Variants in KIAA1217 observed in about 807,000 individuals in gnomAD.
KIAA1217 encodes the protein KIAA1217.
Under a neutral mutation model 163.9 loss-of-function variants are expected in KIAA1217, and 88 were observed. The observed-to-expected ratio is 0.54, with a 90% CI of 0.45 to 0.64. The LOEUF is 0.64. Among genes scored for constraint, KIAA1217 ranks in the 30% least tolerant of loss-of-function variants. The pLI, the probability that KIAA1217 is intolerant of heterozygous loss-of-function variation, is 0.00. For missense variants in KIAA1217, 2,372 were observed against 2,475.0 expected (o/e 0.96, Z 0.88); for synonymous variants, 903 against 923.1 (o/e 0.98, Z 0.39).
chr10:24,046,475 C>T (rs916856224), intron 2 of KIAA1217, among the ~76,000 whole-genome samples: 6 of 152,178 alleles, frequency 3.9e-5, no homozygotes, highest in Admixed American at 6.5e-5. Context: ...TGACTCAGTT[C>T]TGCATGGCTG....
chr10:24,335,012 C>T (rs1444874030), intron 2 of KIAA1217, among the ~76,000 whole-genome samples: 2 of 152,068 alleles, frequency 1.3e-5, no homozygotes, highest in East Asian at 3.9e-4. Flanking sequence ...TTAATAGTTG[C>T]CAAAAAGTAG....
intron 1 of KIAA1217, among the ~76,000 whole-genome samples, chr10:23,745,154 T>C (rs1297742620): frequency 1.3e-5 from 2 of 152,178 alleles, no homozygotes; most frequent in Non-Finnish European, 2.9e-5. Context: ...CAATGTCTCT[T>C]GATTGTCTTT....
At position 24,444,134 on chromosome 10, in the gene KIAA1217, T is replaced by G. The variant is rs138855116; in HGVS notation, c.846+5655T>G. 4.9e-3 allele frequency among the ~76,000 whole-genome samples: 743 copies of G among 152,148 alleles called. 10 individuals carry two copies. Among genetic ancestry groups the G allele is most frequent in the African/African-American group, 0.017 (714 of 41,498 alleles). On this transcript the variant is annotated intron_variant, in intron 5 of 20. Coordinates refer to ENST00000376454, the MANE Select transcript of KIAA1217 (RefSeq NM_019590.5). ...CAAGCAATTCTCCTCCCTTAGCCTC[T>G]TGAGTAGCCGGGACTACAGGTGCAC...
At chr10:24,301,872 C>G (rs1240124900) in intron 2 of KIAA1217, among the ~76,000 whole-genome samples, 1 of 151,982 alleles carries the variant, frequency 6.6e-6, no homozygotes, top group Non-Finnish European at 1.5e-5. Context: ...TGGTGAAACC[C>G]TGTATCTACG....
intron 2 of KIAA1217, among the ~76,000 whole-genome samples, chr10:24,252,712 C>T (rs1366869354): frequency 1.3e-5 from 2 of 152,098 alleles, no homozygotes; most frequent in Admixed American, 6.6e-5. Flanking sequence ...ACAGGTATTG[C>T]CCTAGTCTCT....
intron 1 of KIAA1217, among the ~76,000 whole-genome samples, chr10:23,790,501 G>A (rs1216494325): frequency 7.0e-5 from 6 of 85,212 alleles, no homozygotes; most frequent in African/African-American, 1.7e-4. Context: ...ATATACATGT[G>A]CATATATACA....
intron 1 of KIAA1217, among the ~76,000 whole-genome samples, chr10:23,734,189 T>TA (rs1177424379): frequency 6.6e-6 from 1 of 152,132 alleles, no homozygotes; most frequent in Non-Finnish European, 1.5e-5. Context: ...TCTCTGCACT[T>TA]ATGTTTTCTT....
chr10:24,206,516 G>A (rs1029507391), upstream of KIAA1217, among the ~76,000 whole-genome samples: 3 of 152,140 alleles, frequency 2.0e-5, no homozygotes, highest in African/African-American at 7.2e-5. Flanking sequence ...TCTGTGCTTT[G>A]GAGAAAGATA....
intron 6 of KIAA1217, among the ~76,000 whole-genome samples, chr10:24,492,823 T>C (rs1441674897): frequency 2.8e-5 from 3 of 108,596 alleles, no homozygotes; most frequent in African/African-American, 1.1e-4. Context: ...TCAGTTGGCT[T>C]TTTCTAGTGG....
chr10:23,776,397 C>T (rs1232131626), intron 1 of KIAA1217, among the ~76,000 whole-genome samples: 1 of 150,962 alleles, frequency 6.6e-6, no homozygotes, highest in Non-Finnish European at 1.5e-5. Flanking sequence ...AATGATATCC[C>T]TATGCCTAAT....
chr10:24,143,387 C>A (rs993589540), intron 2 of KIAA1217, among the ~76,000 whole-genome samples: 1 of 152,168 alleles, frequency 6.6e-6, no homozygotes, highest in Non-Finnish European at 1.5e-5. Context: ...CTGCCTCAGC[C>A]TCCCGAGTAG....
In KIAA1217 at chr10:23,962,287, A is replaced by G. The variant is rs556217858; in HGVS notation, c.-320-44938A>G. On this transcript the variant is annotated intron_variant, in intron 1 of 18. Coordinates refer to the KIAA1217 transcript ENST00000376462. ...AACCTCACATAGCCTCAGTTTCCAC[A>G]TCTATAAAATAGGGGTATATGAAGT... Among the ~76,000 whole-genome samples the G allele has an allele frequency of 1.2e-3, 181 of 152,314 alleles. 1 individual carries two copies. Among genetic ancestry groups the G allele is most frequent in the African/African-American group, 4.0e-3 (168 of 41,572 alleles).
chr10:23,703,797 T>C (rs1411418241), intron 1 of KIAA1217, among the ~76,000 whole-genome samples: 1 of 152,056 alleles, frequency 6.6e-6, no homozygotes, highest in Non-Finnish European at 1.5e-5. Flanking sequence ...TCAGCAAACT[T>C]GTTGTATAAA....
intron 1 of KIAA1217, among the ~76,000 whole-genome samples, chr10:23,802,816 C>T (rs1373360954): frequency 1.3e-5 from 2 of 152,176 alleles, no homozygotes; most frequent in African/African-American, 2.4e-5. Context: ...GACTCTGTCC[C>T]TTAGAGTGTT....
chr10:24,104,879 C>T (rs148717972), intron 2 of KIAA1217, among the ~76,000 whole-genome samples: 385 of 152,270 alleles, frequency 2.5e-3, no homozygotes, highest in African/African-American at 8.9e-3. Flanking sequence ...TGAAGGATGT[C>T]TTCTAAAGTT....
chr10:23,964,951 C>T (rs953497396), intron 1 of KIAA1217, among the ~76,000 whole-genome samples: 2 of 152,158 alleles, frequency 1.3e-5, no homozygotes, highest in African/African-American at 4.8e-5. Context: ...CGAACTTTAT[C>T]TTGAAGCTGG....
At chr10:24,224,687 G>A (rs766280880) in intron 2 of KIAA1217, among the ~76,000 whole-genome samples, 2 of 151,990 alleles carry the variant, frequency 1.3e-5, no homozygotes, top group Non-Finnish European at 2.9e-5. Flanking sequence ...CTACATCATG[G>A]AGCACTGAGA....
intron 14 of KIAA1217, among the ~76,000 whole-genome samples, chr10:24,528,341 A>C (rs1346104511): frequency 9.5e-6 from 1 of 105,422 alleles, no homozygotes; most frequent in East Asian, 2.4e-4. Context: ...TTTGTTTTTG[A>C]AATGGGGTCT....
Position 24,403,007 on chromosome 10 carries a change from G to T in KIAA1217, c.553+21940G>T, listed in dbSNP as rs77765435. On this transcript the variant is annotated intron_variant, in intron 3 of 20. Transcript: ENST00000376454. ...TTAGCATATGGTACTGAAGAAATGG[G>T]ATCTCCCCTCAAAAACTTCAACCTG... Among the ~76,000 whole-genome samples, 3 of 152,166 alleles carry T rather than the reference G, an allele frequency of 2.0e-5. No individual in the cohort carries two copies. In the South Asian group the frequency reaches 6.2e-4, roughly 32 times the overall value.
Sources: gnomAD v4.1 joint callset for allele counts (sites outside exome capture counted in the v4.1 genomes callset) on GRCh38, gnomAD v4.1.1 for gene constraint, MANE v1.5 for transcripts, NCBI Gene and HGNC (gene_info 2026-07-23, HGNC 2026-07-21) for gene names.